The following APMAP variants were observed in gnomAD, a reference collection of about 807,000 sequenced individuals.
APMAP encodes the protein adipocyte plasma membrane associated protein, also known as adipocyte plasma membrane-associated protein.
A neutral mutation model predicts 43.6 loss-of-function variants in APMAP; 33 were observed. The ratio of observed to expected loss-of-function variants is 0.76; its 90% confidence interval spans 0.57 to 1.01. The LOEUF (loss-of-function observed/expected upper bound fraction) is 1.01. Ranked by LOEUF, APMAP falls within the 50% of genes least tolerant of loss-of-function variation. The pLI is 0.00. For synonymous variants in APMAP, 224 were observed against 216.7 expected (o/e 1.03, Z -0.30); for missense variants, 498 against 540.7 (o/e 0.92, Z 0.78).
At chr20:24,965,621 G>C (rs754096996) in intron 8 of APMAP, among the ~76,000 whole-genome samples, 1 of 152,246 alleles carries the variant, frequency 6.6e-6, no homozygotes, top group Non-Finnish European at 1.5e-5. Context: ...GCCCATGCAA[G>C]TGAGGAGGTG....
chr20:24,992,172 G>A (rs1453690601), intron 1 of APMAP, among the ~76,000 whole-genome samples: 2 of 152,208 alleles, frequency 1.3e-5, no homozygotes, highest in Non-Finnish European at 2.9e-5. Context: ...CGGGGAACCA[G>A]GAACACGCAG....
chr20:24,973,051 T>G (rs1489521006), intron 4 of APMAP, among the ~76,000 whole-genome samples: 1 of 152,250 alleles, frequency 6.6e-6, no homozygotes, highest in Non-Finnish European at 1.5e-5. Flanking sequence ...ACTCAGGTGA[T>G]TTTTATTTTC....
In APMAP at chr20:24,978,744, C is replaced by CCG. The variant is rs757113762; in HGVS notation, c.328+22_328+23insCG. The CCG allele has an allele frequency of 7.1e-5, 93 of 1,310,920 alleles. 1 individual carries two copies. The highest frequency in any genetic ancestry group is 8.4e-5 in the Non-Finnish European group (78 of 930,044). The allele number at this position is 1,310,920 out of a possible 1,614,324, so 81.2% of individuals were successfully genotyped here. ...ACAACAGACAGCCTGGAAGGCTCCCCCCCCACCCAAGCTTAGACTTACCCC... is the reference window on the plus strand; with the variant it reads ...ACAACAGACAGCCTGGAAGGCTCCCCCGCCCCACCCAAGCTTAGACTTACCCC... On this transcript the variant is annotated intron_variant, in intron 3 of 8. Transcript: ENST00000217456.
intron 3 of APMAP, among the ~76,000 whole-genome samples, chr20:24,974,474 C>A (rs7352188): frequency 6.6e-6 from 1 of 152,040 alleles, no homozygotes; most frequent in Non-Finnish European, 1.5e-5. Flanking sequence ...GTAACAAATA[C>A]GGTAGATATT....
At chr20:24,965,544 C>T (rs369161182) in intron 8 of APMAP, among the ~76,000 whole-genome samples, 9 of 152,210 alleles carry the variant, frequency 5.9e-5, no homozygotes, top group African/African-American at 1.9e-4. Flanking sequence ...TGGCCTGGCA[C>T]GGGCTGTCAG....
intron 4 of APMAP, among the ~76,000 whole-genome samples, chr20:24,973,321 T>A (rs1340353083): frequency 6.6e-6 from 1 of 152,190 alleles, no homozygotes; most frequent in African/African-American, 2.4e-5. Context: ...AGCACTGTGA[T>A]AACACCTATT....
rs1454034624 is a variant in APMAP, at chr20:24,962,945, C to T, written c.*868G>A. On this transcript the variant is annotated 3_prime_UTR_variant, in exon 9 of 9. Coordinates refer to ENST00000217456, the MANE Select transcript of APMAP (RefSeq NM_020531.3). ...TCAAAAAAGGTTAATCAGCAGAAGT[C>T]GATTTATCGTTATTTATTATCAAAA... The T allele has an allele frequency of 6.6e-6, 1 of 152,134 alleles. No individual in the cohort carries two copies. Among genetic ancestry groups the T allele is most frequent in the Non-Finnish European group, 1.5e-5 (1 of 68,022 alleles). The allele number at this position is 152,134 out of a possible 1,614,324, so 9.4% of individuals were successfully genotyped here.
intron 2 of APMAP, among the ~76,000 whole-genome samples, chr20:24,981,237 G>T (rs2088102035): frequency 6.6e-6 from 1 of 152,208 alleles, no homozygotes; most frequent in African/African-American, 2.4e-5. Context: ...CAGCATATAT[G>T]ACATCCTGAT....
intron 8 of APMAP, 26 bp downstream of exon 8, chr20:24,968,866 C>G: frequency 2.6e-6 from 4 of 1,548,108 alleles, no homozygotes; most frequent in Non-Finnish European, 2.6e-6. Flanking sequence ...CATTTTCTTT[C>G]TTGGAATAAC....
intron 5 of APMAP, 113 bp from the exon 6 acceptor site, chr20:24,970,484 C>T (rs1276852351): frequency 1.3e-5 from 12 of 959,940 alleles, no homozygotes; most frequent in South Asian, 1.9e-5. Context: ...TTCTCCATGT[C>T]ATTTGTCAGA....
intron 4 of APMAP, among the ~76,000 whole-genome samples, chr20:24,973,076 G>A (rs1429791943): frequency 6.6e-6 from 1 of 152,140 alleles, no homozygotes; most frequent in Non-Finnish European, 1.5e-5. Context: ...TTGTACCTTT[G>A]TGTTGTTTGT....
Position 24,963,888 on chromosome 20 carries a change from G to A in APMAP, c.1176C>T (p.His392=), listed in dbSNP as rs755575099. The A allele has an allele frequency of 3.0e-5, 48 of 1,614,094 alleles. No homozygotes were observed. Among genetic ancestry groups the A allele is most frequent in the African/African-American group, 1.9e-4 (14 of 74,922 alleles). ...GLVATYISEV[H]EHDGHLYLGS... ...CCAGGTACAGGTGCCCATCGTGTTCGTGCACCTCGCTGATGTAGGTGGCCA... is the reference window on the plus strand; with the variant it reads ...CCAGGTACAGGTGCCCATCGTGTTCATGCACCTCGCTGATGTAGGTGGCCA... Residue 392 remains histidine (H), a synonymous_variant, in exon 9 of 9, where the codon CAC becomes CAT. Coordinates refer to ENST00000217456, the MANE Select transcript of APMAP (RefSeq NM_020531.3).
intron 3 of APMAP, among the ~76,000 whole-genome samples, chr20:24,977,738 T>C (rs1229625279): frequency 2.0e-5 from 3 of 152,240 alleles, no homozygotes; most frequent in Non-Finnish European, 2.9e-5. Context: ...CTTCAACTGC[T>C]GTTAAGTTTC....
intron 8 of APMAP, among the ~76,000 whole-genome samples, chr20:24,967,928 C>T (rs145056043): frequency 7.7e-4 from 118 of 152,348 alleles, no homozygotes; most frequent in African/African-American, 2.6e-3. Context: ...CACTGAAGGC[C>T]GTGAGCCAGT....
chr20:24,969,019 G>A lies in APMAP; in HGVS notation c.914C>T (p.Pro305Leu), dbSNP rs1002276600. 30 of 1,613,926 alleles carry A rather than the reference G, an allele frequency of 1.9e-5. No individual in the cohort carries two copies. The highest frequency in any genetic ancestry group is 2.5e-5 in the Non-Finnish European group (29 of 1,179,956). ...DLFVENMPGFPDNIRPSSSGG... is the reference protein window; with the variant it reads ...DLFVENMPGFLDNIRPSSSGG... ...AGAGCTGCTGGGCCGGATGTTGTCT[G>A]GAAATCCAGGCATGTTCTCCACAAA... The change falls in exon 8 of 9, where the codon CCA becomes CTA. Residue 305 changes from proline to leucine, a missense_variant. Pro to Leu is a moderately conservative substitution (Grantham distance 98). Coordinates refer to ENST00000217456, the MANE Select transcript of APMAP (RefSeq NM_020531.3).
chr20:24,970,292 A>G lies in APMAP; in HGVS notation c.618T>C (p.Thr206=), dbSNP rs775403462. ...NMSFVNDLTV[T]QDGRKIYFTD... Reference sequence around the variant, plus strand: ...TGAAATAAATCTTCCTCCCATCCTGAGTGACTGTAAGATCATTCACAAAGG... The same window carrying G: ...TGAAATAAATCTTCCTCCCATCCTGGGTGACTGTAAGATCATTCACAAAGG... The change falls in exon 6 of 9, where the codon ACT becomes ACC. Residue 206 remains threonine, a synonymous_variant. Coordinates refer to ENST00000217456, the MANE Select transcript of APMAP (RefSeq NM_020531.3). The G allele has an allele frequency of 5.6e-6, 9 of 1,613,762 alleles. No individual in the cohort carries two copies. In the Admixed American group the frequency reaches 1.5e-4, roughly 27 times the overall value.
intron 1 of APMAP, among the ~76,000 whole-genome samples, chr20:24,989,097 C>T (rs2088171133): frequency 6.6e-6 from 1 of 151,932 alleles, no homozygotes; most frequent in Non-Finnish European, 1.5e-5. Flanking sequence ...CGGTGTCTGC[C>T]TCCCTCTTAC....
At chr20:24,969,133 GA>G (rs745436524) in intron 7 of APMAP, 49 bp from the exon 8 acceptor site, 10 of 1,502,340 alleles carry the variant, frequency 6.7e-6, no homozygotes, top group East Asian at 4.7e-5. Flanking sequence ...CTCAATTTCA[GA>G]AAAAAAATTT....
rs535850695 is a variant in APMAP at position 24,967,483 on chromosome 20, G to A, written c.1041+1409C>T. The stretch of plus-strand genomic sequence containing the variant: ...TGCCCTCAATCAACGGTACGTCCTC[G>A]CACCTACATGTGCCAGGCACTGTTG... On this transcript the variant is annotated intron_variant, in intron 8 of 8. Coordinates refer to ENST00000217456, the MANE Select transcript of APMAP (RefSeq NM_020531.3). 4.6e-5 allele frequency among the ~76,000 whole-genome samples: 7 copies of A among 152,212 alleles called. No individual in the cohort carries two copies. In the South Asian group the frequency reaches 6.2e-4, roughly 14 times the overall value.
Sources: allele counts gnomAD v4.1 joint callset (sites outside exome capture counted in the v4.1 genomes callset), GRCh38; gene constraint gnomAD v4.1.1; transcripts MANE v1.5; gene names NCBI Gene and HGNC (gene_info 2026-07-23, HGNC 2026-07-21).